The following CHST15 variants were observed in gnomAD, a reference collection of about 807,000 sequenced individuals.
The protein encoded by CHST15 is carbohydrate sulfotransferase 15.
A neutral mutation model predicts 53.6 loss-of-function variants in CHST15; 30 were observed. The ratio of observed to expected loss-of-function variants is 0.56; its 90% CI spans 0.42 to 0.76. The LOEUF (loss-of-function observed/expected upper bound fraction) is 0.76. CHST15 is among the 30% of genes least tolerant of loss of function. CHST15 has a pLI of 0.00. For synonymous variants in CHST15, 296 were observed against 289.8 expected (o/e 1.02, Z -0.22); for missense variants, 627 against 740.5 (o/e 0.85, Z 1.78).
chr10:124,071,107 C>T (rs1292115397), intron 1 of CHST15, among the ~76,000 whole-genome samples: 1 of 152,244 alleles, frequency 6.6e-6, no homozygotes, highest in African/African-American at 2.4e-5. Context: ...GCAGAGTTCT[C>T]ACCCTGACCA....
rs989642357 is a variant in CHST15 at position 124,036,240 on chromosome 10, G to A, written c.1190+2275C>T. Among the ~76,000 whole-genome samples the A allele has an allele frequency of 2.6e-5, 4 of 152,174 alleles. No individual in the cohort carries two copies. The highest frequency in any genetic ancestry group is 4.4e-5 in the Non-Finnish European group (3 of 68,024). On this transcript the variant is annotated intron_variant, in intron 5 of 7. Transcript: ENST00000435907. The surrounding 1 kb of genome is among the most constrained non-coding windows in gnomAD (Gnocchi z 5.1). ...CACCATGAGAGCTCGGCTAGTGTGCGTCAGCCCTGCTGGATGGAGGGAGAC... is the reference window on the plus strand; with the variant it reads ...CACCATGAGAGCTCGGCTAGTGTGCATCAGCCCTGCTGGATGGAGGGAGAC...
At chr10:124,037,495 C>G (rs78463545) in intron 5 of CHST15, among the ~76,000 whole-genome samples, 1 of 152,172 alleles carries the variant, frequency 6.6e-6, no homozygotes, top group Non-Finnish European at 1.5e-5. Flanking sequence ...CCATCTTGCG[C>G]GGAGAATTCC....
intron 1 of CHST15, among the ~76,000 whole-genome samples, chr10:124,065,943 T>C (rs1165707363): frequency 6.6e-6 from 1 of 152,198 alleles, no homozygotes; most frequent in African/African-American, 2.4e-5. Flanking sequence ...TCCTCCCTTT[T>C]GGATCATTTG....
chr10:124,065,391 GA>G (rs914051385), intron 1 of CHST15, among the ~76,000 whole-genome samples: 5 of 152,044 alleles, frequency 3.3e-5, no homozygotes, highest in African/African-American at 1.2e-4. Flanking sequence ...TCAAAAAGAA[GA>G]AAAAAAGTAA....
intron 1 of CHST15, among the ~76,000 whole-genome samples, chr10:124,090,534 A>G (rs188140600): frequency 7.3e-4 from 112 of 152,384 alleles, no homozygotes; most frequent in Admixed American, 1.4e-3. Context: ...AAGACGCCAA[A>G]TAAGTAGAAT....
rs1405728932 is a variant in CHST15, at chr10:124,034,715, C to T, written c.1190+3800G>A. The stretch of plus-strand genomic sequence containing the variant: ...CGGCTCCACCCCCTAACAGGGACCC[C>T]GGCTCCACCCCCTAACAGGGACCCC... On this transcript the variant is annotated intron_variant, in intron 5 of 7. Transcript: ENST00000435907. Among the ~76,000 whole-genome samples, 287 of 127,430 alleles carry T rather than the reference C, an allele frequency of 2.3e-3. 14 individuals are homozygous for T. Among genetic ancestry groups the T allele is most frequent in the African/African-American group, 7.9e-3 (256 of 32,442 alleles). 83.6% of individuals were successfully genotyped at this position (127,430 alleles called of 152,430 possible). A position where few individuals can be genotyped will look rare whatever the true frequency, so the allele number is the denominator to read the frequency against.
rs570299656 is a variant in CHST15 at position 124,044,812 on chromosome 10, G to A, written c.654C>T (p.Tyr218=). 14 of 1,593,042 alleles carry A rather than the reference G, an allele frequency of 8.8e-6. No homozygotes were observed. In the African/African-American group the frequency reaches 1.3e-4, roughly 15 times the overall value. ...NTTDPYLTNS[Y]VLYSKRFRST... ...AGCGGAAGCGCTTGGAGTAGAGCAC[G>A]TAGGAGTTGGTGAGGTAGGGGTCGG... The change falls in exon 3 of 8, where the codon TAC becomes TAT. Residue 218 remains tyrosine, a synonymous_variant. Coordinates refer to ENST00000435907, the MANE Select transcript of CHST15 (RefSeq NM_001270764.2).
At chr10:124,020,358 G>C (rs977731226) in intron 6 of CHST15, 2 of 985,364 alleles carry the variant, frequency 2.0e-6, no homozygotes, top group Non-Finnish European at 2.4e-6. Context: ...CCTGGCACCA[G>C]AGCAGGCTCT....
At chr10:124,037,580 C>G (rs537928345) in intron 5 of CHST15, among the ~76,000 whole-genome samples, 1 of 152,268 alleles carries the variant, frequency 6.6e-6, no homozygotes, top group East Asian at 1.9e-4. Flanking sequence ...AGCACTGGAC[C>G]AAATAATTTT....
At position 124,019,725 on chromosome 10, in the gene CHST15, T is replaced by G. The variant is rs1946704805; in HGVS notation, c.1347+1531A>C. 1.0e-6 allele frequency: 1 copy of G among 954,084 alleles called. No homozygotes were observed. Among genetic ancestry groups the G allele is most frequent in the Non-Finnish European group, 1.2e-6 (1 of 801,344 alleles). The allele number at this position is 954,084 out of a possible 1,614,324, so 59.1% of individuals were successfully genotyped here. A position where few individuals can be genotyped will look rare whatever the true frequency, so the allele number is the denominator to read the frequency against. On this transcript the variant is annotated intron_variant, in intron 6 of 7. Coordinates refer to ENST00000435907, the MANE Select transcript of CHST15 (RefSeq NM_001270764.2). This position sits in a 1 kb window ranked among gnomAD's most constrained non-coding sequence, Gnocchi z 4.6. ...CAGTAGTGAGATATTCCTTTTCCACTCCTACACTATCTTCTGCTTAAAACC... is the reference window on the plus strand; with the variant it reads ...CAGTAGTGAGATATTCCTTTTCCACGCCTACACTATCTTCTGCTTAAAACC...
chr10:124,019,654 G>T lies in CHST15; in HGVS notation c.1347+1602C>A. On this transcript the variant is annotated intron_variant, in intron 6 of 7. Coordinates refer to ENST00000435907, the MANE Select transcript of CHST15 (RefSeq NM_001270764.2). This position sits in a 1 kb window ranked among gnomAD's most constrained non-coding sequence, Gnocchi z 4.6. ...AAATTTACGTTAAACAAGTATGTGTGCTTTCTCGCGTTAGTCTTTTATTAT... is the reference window on the plus strand; with the variant it reads ...AAATTTACGTTAAACAAGTATGTGTTCTTTCTCGCGTTAGTCTTTTATTAT... 1 of 492,262 alleles carries T rather than the reference G, an allele frequency of 2.0e-6. No individual in the cohort carries two copies. Among genetic ancestry groups the T allele is most frequent in the Non-Finnish European group, 2.6e-6 (1 of 378,986 alleles). The allele number at this position is 492,262 out of a possible 1,614,324, so 30.5% of individuals were successfully genotyped here.
chr10:124,091,096 G>C (rs1275849109), intron 1 of CHST15, among the ~76,000 whole-genome samples: 2 of 152,352 alleles, frequency 1.3e-5, no homozygotes, highest in East Asian at 3.9e-4. Flanking sequence ...CCATCTAGGA[G>C]GTGGCAAGAA....
At chr10:124,021,069 G>GACCA (rs2133861094) in intron 6 of CHST15, 187 bp downstream of exon 6, 1 of 1,461,818 alleles carries the variant, frequency 6.8e-7, no homozygotes, top group African/African-American at 1.4e-5. Flanking sequence ...GCAGGAGCCA[G>GACCA]ACCAAGAGCC....
intron 5 of CHST15, among the ~76,000 whole-genome samples, chr10:124,033,539 C>A (rs1445426781): frequency 6.6e-6 from 1 of 152,198 alleles, no homozygotes; most frequent in Non-Finnish European, 1.5e-5. Context: ...TTCTAACCAA[C>A]AGAATATGGC....
At position 124,074,848 on chromosome 10, in the gene CHST15, C is replaced by G. The variant is rs1050882812; in HGVS notation, c.-513+18621G>C. Among the ~76,000 whole-genome samples the G allele has an allele frequency of 3.9e-5, 6 of 152,360 alleles. No individual in the cohort carries two copies. Among genetic ancestry groups the G allele is most frequent in the Non-Finnish European group, 7.3e-5 (5 of 68,036 alleles). Reference sequence around the variant, plus strand: ...CGCCACTGCCTCCCAGCAGCCAGGGCTGACTTTCCTTTTGAATGCGGCTGT... The same window carrying G: ...CGCCACTGCCTCCCAGCAGCCAGGGGTGACTTTCCTTTTGAATGCGGCTGT... On this transcript the variant is annotated intron_variant, in intron 1 of 7. Coordinates refer to ENST00000435907, the MANE Select transcript of CHST15 (RefSeq NM_001270764.2). This position sits in a 1 kb window ranked among gnomAD's most constrained non-coding sequence, Gnocchi z 4.4.
intron 1 of CHST15, among the ~76,000 whole-genome samples, chr10:124,055,577 C>T (rs1948348739): frequency 6.6e-6 from 1 of 152,178 alleles, no homozygotes; most frequent in Non-Finnish European, 1.5e-5. Flanking sequence ...CAGGAAGTAA[C>T]ACCCAAGTTC....
chr10:124,054,619 G>A (rs1358868020), intron 1 of CHST15, among the ~76,000 whole-genome samples: 1 of 152,144 alleles, frequency 6.6e-6, no homozygotes, highest in Non-Finnish European at 1.5e-5. Context: ...GCCAGGCTTG[G>A]GAGTTGGGCA....
rs779264924 is a variant in CHST15 at position 124,012,318 on chromosome 10, G to A, written c.1495+15C>T. 3.1e-6 allele frequency: 5 copies of A among 1,611,740 alleles called. No individual in the cohort carries two copies. Among genetic ancestry groups the A allele is most frequent in the Non-Finnish European group, 4.2e-6 (5 of 1,178,428 alleles). On this transcript the variant is annotated intron_variant, in intron 7 of 7. Transcript: ENST00000435907. ...CTCATGCTTTGGCCCGTCAGTCTAAGCACCACACTCATACCTAGGTTCAGA... is the reference window on the plus strand; with the variant it reads ...CTCATGCTTTGGCCCGTCAGTCTAAACACCACACTCATACCTAGGTTCAGA...
At chr10:124,060,662 C>G (rs1025762372) in intron 1 of CHST15, among the ~76,000 whole-genome samples, 1 of 152,176 alleles carries the variant, frequency 6.6e-6, no homozygotes, top group African/African-American at 2.4e-5. Context: ...CAGAGGTTAG[C>G]CAGGAGCTGT....
Sources: gnomAD v4.1 joint callset for allele counts (sites outside exome capture counted in the v4.1 genomes callset) on GRCh38, gnomAD v4.1.1 for gene constraint, Gnocchi (gnomAD v3.1) non-coding constraint, MANE v1.5 for transcripts, NCBI Gene and HGNC (gene_info 2026-07-23, HGNC 2026-07-21) for gene names.